The following FADS3 variants were observed in gnomAD, a reference collection of about 807,000 sequenced individuals.
The protein encoded by FADS3 is fatty acid desaturase 3, also known as cytochrome b5-related protein.
FADS3 carries 30 observed loss-of-function variants against 60.4 expected under a neutral mutation model. That is an observed-to-expected ratio of 0.50 (90% CI 0.37 to 0.67). FADS3 has a LOEUF of 0.67. Among genes scored for constraint, FADS3 ranks in the 30% least tolerant of loss-of-function variants. The pLI, the probability that FADS3 is intolerant of heterozygous loss-of-function variation, is 0.00. For missense variants in FADS3, 432 were observed against 598.3 expected, an observed-to-expected ratio of 0.72 and a Z score of 2.90; for synonymous variants, 234 against 249.3, an observed-to-expected ratio of 0.94 and a Z score of 0.58.
chr11:61,878,927 C>T, intron 3 of FADS3, 80 bp from the exon 4 acceptor site: 1 of 1,155,588 alleles, frequency 8.7e-7, no homozygotes, highest in Admixed American at 2.1e-5. Context: ...ATCCTTTCAG[C>T]TTGCAGGGTA....
At chr11:61,885,722 G>A (rs374094655) in intron 1 of FADS3, among the ~76,000 whole-genome samples, 2 of 152,214 alleles carry the variant, frequency 1.3e-5, no homozygotes, top group Admixed American at 6.5e-5. Context: ...CAGGAAGGGG[G>A]TGAAGCAGGG....
chr11:61,875,846 C>A lies in FADS3; in HGVS notation c.1286+5G>T, dbSNP rs775835770. On this transcript the variant is annotated splice_donor_5th_base_variant and intron_variant, in intron 11 of 11. Coordinates refer to ENST00000278829, the MANE Select transcript of FADS3 (RefSeq NM_021727.5). The stretch of plus-strand genomic sequence containing the variant: ...CAGAACAGAGGGGCCGGGCTGCAGC[C>A]TCACCTGACGATGTCCACCAGCGCG... The A allele has an allele frequency of 1.2e-6, 2 of 1,611,362 alleles. No individual in the cohort carries two copies. The highest frequency in any genetic ancestry group is 2.2e-5 in the South Asian group (2 of 91,058).
chr11:61,873,937 C>T (rs576037319), intron 11 of FADS3, 72 bp from the exon 12 acceptor site: 314 of 1,004,446 alleles, frequency 3.1e-4, no homozygotes, highest in Middle Eastern at 2.8e-3. Context: ...CCCTGTATCC[C>T]CCATGGTAAG....
At chr11:61,883,021 C>T (rs796736759) in intron 1 of FADS3, among the ~76,000 whole-genome samples, 10 of 152,318 alleles carry the variant, frequency 6.6e-5, no homozygotes, top group African/African-American at 1.7e-4. Context: ...TAAGCCACCA[C>T]GCCCAGCCAA....
At chr11:61,880,307 C>A (rs1359691308) in intron 1 of FADS3, 156 bp from the exon 2 acceptor site, 2 of 598,410 alleles carry the variant, frequency 3.3e-6, no homozygotes, top group South Asian at 4.1e-5. Flanking sequence ...AAGACATGGG[C>A]CCTCCCTGGT....
rs111324241 is a variant in FADS3, at chr11:61,878,404, T to G, written c.747+108A>C. On this transcript the variant is annotated intron_variant, in intron 5 of 11. Coordinates refer to ENST00000278829, the MANE Select transcript of FADS3 (RefSeq NM_021727.5). Reference sequence around the variant, plus strand: ...GGGGCAGAGCTTGGCCCAGCCAGAGTGGAGGCCAGATCAGGGGCTAGGTCA... The same window carrying G: ...GGGGCAGAGCTTGGCCCAGCCAGAGGGGAGGCCAGATCAGGGGCTAGGTCA... The G allele has an allele frequency of 2.2e-5, 33 of 1,496,866 alleles. 1 individual carries two copies. The African/African-American group carries it at 3.4e-4, about 16-fold the overall frequency. The allele number at this position is 1,496,866 out of a possible 1,614,324, so 92.7% of individuals were successfully genotyped here. A position where few individuals can be genotyped will look rare whatever the true frequency, so the allele number is the denominator to read the frequency against.
rs763877655 is a variant in FADS3 at position 61,873,831 on chromosome 11, C to T, written c.1321G>A (p.Ala441Thr). The change falls in exon 12 of 12, where the codon GCC (alanine) becomes ACC (threonine). Residue 441 changes from alanine (A) to threonine (T), a missense_variant. Transcript: ENST00000278829. ...TGTTGCCTTCACTGATGGAGGTAGG[C>T]GTCCAGCCAGATGTCACCAGACTTC... Reference protein sequence around the residue: ...LKKSGDIWLDAYLHQ With the variant: ...LKKSGDIWLDTYLHQ 2.4e-5 allele frequency: 38 copies of T among 1,610,400 alleles called. No homozygotes were observed. The highest frequency in any genetic ancestry group is 5.4e-5 in the African/African-American group (4 of 74,468).
At chr11:61,886,230 C>T (rs1395958970) in intron 1 of FADS3, 1 of 152,404 alleles carries the variant, frequency 6.6e-6, no homozygotes, top group Non-Finnish European at 1.5e-5. Context: ...TACCCTCTGG[C>T]TCCTGGTCCT....
chr11:61,878,803 G>A lies in FADS3; in HGVS notation c.567C>T (p.Ile189=), dbSNP rs1938015306. 7 of 1,614,212 alleles carry A rather than the reference G, an allele frequency of 4.3e-6. No individual in the cohort carries two copies. The Admixed American group carries it at 1.2e-4, about 27-fold the overall frequency. The change falls in exon 4 of 12, where the codon ATC becomes ATT. Residue 189 remains isoleucine, a synonymous_variant. Transcript: ENST00000278829. The part of the protein sequence containing the change: ...CLQHDLGHAS[I]FKKSWWNHVA... ...CGTGGTTCCACCAGGACTTCTTGAAGATGGAGGCATGGCCCAGGTCATGCT... is the reference window on the plus strand; with the variant it reads ...CGTGGTTCCACCAGGACTTCTTGAAAATGGAGGCATGGCCCAGGTCATGCT...
Position 61,876,469 on chromosome 11 carries a change from C to G in FADS3, c.984-14G>C. ...CTTTCCAGGACCCTGTGGGGAGGCT[C>G]GGGCACTGCCCTAGGTCCAGCTCAC... On this transcript the variant is annotated splice_polypyrimidine_tract_variant and intron_variant, in intron 8 of 11. Transcript: ENST00000278829. The surrounding 1 kb of genome is among the most constrained non-coding windows in gnomAD (Gnocchi z 5.7). 6.2e-7 allele frequency: 1 copy of G among 1,609,324 alleles called. No individual in the cohort carries two copies.
chr11:61,875,222 T>C (rs1937822175), intron 11 of FADS3, among the ~76,000 whole-genome samples: 1 of 152,006 alleles, frequency 6.6e-6, no homozygotes. Context: ...TTTTGTTTGT[T>C]TTTGAGAGAG....
Position 61,876,505 on chromosome 11 carries a change from C to A in FADS3, c.984-50G>T, listed in dbSNP as rs746598441. On this transcript the variant is annotated intron_variant, in intron 8 of 11. Transcript: ENST00000278829. This position sits in a 1 kb window ranked among gnomAD's most constrained non-coding sequence, Gnocchi z 5.7. The stretch of plus-strand genomic sequence containing the variant: ...CTAGGTCCAGCTCACCACTTAGGCA[C>A]CCTGAGTGGAGGCTGGAGAGCAGCT... 3.5e-6 allele frequency: 5 copies of A among 1,449,172 alleles called. No individual in the cohort carries two copies. Among genetic ancestry groups the A allele is most frequent in the South Asian group, 3.4e-5 (3 of 87,842 alleles). 89.8% of individuals were successfully genotyped at this position (1,449,172 alleles called of 1,614,324 possible). A position where few individuals can be genotyped will look rare whatever the true frequency, so the allele number is the denominator to read the frequency against.
chr11:61,881,316 G>A (rs1021726860), intron 1 of FADS3: 3 of 152,248 alleles, frequency 2.0e-5, no homozygotes, highest in Non-Finnish European at 2.9e-5. Flanking sequence ...GCCAGGGAAA[G>A]AGACCAGCCA....
intron 1 of FADS3, among the ~76,000 whole-genome samples, chr11:61,883,177 G>A (rs1239625677): frequency 6.6e-6 from 1 of 152,060 alleles, no homozygotes; most frequent in East Asian, 1.9e-4. Context: ...TTCCCCAACT[G>A]AAACTCTGTC....
rs1937980490 is a variant in FADS3, at chr11:61,878,135, A to T, written c.808+20T>A. The T allele has an allele frequency of 6.2e-7, 1 of 1,612,144 alleles. No individual in the cohort carries two copies. On this transcript the variant is annotated intron_variant, in intron 6 of 11. Transcript: ENST00000278829. ...AGGCCCAGGCACTCCCCCACCCCAG[A>T]AGGACAGATGGACACTCACTCAGGA...
Position 61,877,300 on chromosome 11 carries a change from A to G in FADS3, c.885+211T>C. ...GAGACCCACACCCCCCCTGTTCCTCAACCCCCCCCCACCACACGTACAGTC... is the reference window on the plus strand; with the variant it reads ...GAGACCCACACCCCCCCTGTTCCTCGACCCCCCCCCACCACACGTACAGTC... On this transcript the variant is annotated intron_variant, in intron 7 of 11. Coordinates refer to ENST00000278829, the MANE Select transcript of FADS3 (RefSeq NM_021727.5). The surrounding 1 kb of genome is among the most constrained non-coding windows in gnomAD (Gnocchi z 4.7). The G allele has an allele frequency of 7.3e-6, 1 of 137,560 alleles. No individual in the cohort carries two copies. 8.5% of individuals were successfully genotyped at this position (137,560 alleles called of 1,614,324 possible).
rs144712997 is a variant in FADS3, at chr11:61,878,943, G to A, written c.523-96C>T. ...TCCTTTCAGCTTGCAGGGTACCCCC[G>A]TGCTAATGCTCCATTTCAAGACCCT... On this transcript the variant is annotated intron_variant, in intron 3 of 11. Transcript: ENST00000278829. The A allele has an allele frequency of 7.6e-4, 716 of 944,090 alleles. 4 individuals are homozygous for A. In the African/African-American group the frequency reaches 0.011, roughly 14 times the overall value. 58.5% of individuals were successfully genotyped at this position (944,090 alleles called of 1,614,324 possible).
At position 61,876,989 on chromosome 11, in the gene FADS3, C is replaced by T. The variant is rs753590428; in HGVS notation, c.886-26G>A. On this transcript the variant is annotated intron_variant, in intron 7 of 11. Coordinates refer to ENST00000278829, the MANE Select transcript of FADS3 (RefSeq NM_021727.5). The surrounding 1 kb of genome is among the most constrained non-coding windows in gnomAD (Gnocchi z 5.7). ...CTGCAGAGGAGGGCAGAGGCGATAC[C>T]GAGAGGTCTCCAGGTGCCCGGAGGT... is the stretch of plus-strand genomic sequence containing the variant. 7 of 1,531,910 alleles carry T rather than the reference C, an allele frequency of 4.6e-6. No homozygotes were observed. Among genetic ancestry groups the T allele is most frequent in the Non-Finnish European group, 5.3e-6 (6 of 1,131,724 alleles). The allele number at this position is 1,531,910 out of a possible 1,614,324, so 94.9% of individuals were successfully genotyped here.
Position 61,877,458 on chromosome 11 carries a change from C to T in FADS3, c.885+53G>A, listed in dbSNP as rs886469969. The T allele has an allele frequency of 6.4e-7, 1 of 1,564,874 alleles. No individual in the cohort carries two copies. Among genetic ancestry groups the T allele is most frequent in the African/African-American group, 1.3e-5 (1 of 74,214 alleles). On this transcript the variant is annotated intron_variant, in intron 7 of 11. Transcript: ENST00000278829. The surrounding 1 kb of genome is among the most constrained non-coding windows in gnomAD (Gnocchi z 4.7). ...TGGGCAGGTACTGTCCCCCGAGGCA[C>T]CACCTCCTGCCACGGCAGCCGTATG... is the stretch of plus-strand genomic sequence containing the variant.
Sources: gnomAD v4.1 joint callset for allele counts (sites outside exome capture counted in the v4.1 genomes callset) on GRCh38, gnomAD v4.1.1 for gene constraint, Gnocchi (gnomAD v3.1) non-coding constraint, MANE v1.5 for transcripts, NCBI Gene and HGNC (gene_info 2026-07-23, HGNC 2026-07-21) for gene names.